The following FLT1 variants were observed in gnomAD, a reference collection of about 807,000 sequenced individuals.
FLT1 encodes fms related receptor tyrosine kinase 1.
In FLT1, 49 loss-of-function variants were observed where a neutral mutation model predicts 156.3. The observed-to-expected ratio is 0.31, with a 90% CI of 0.25 to 0.40. The LOEUF is 0.40. Among genes scored for constraint, FLT1 ranks in the 10% least tolerant of loss-of-function variants. FLT1 has a pLI of 1.00. For synonymous variants in FLT1, 594 were observed against 583.8 expected, an observed-to-expected ratio of 1.02 and a Z score of -0.25; for missense variants, 1,322 against 1,637.2, an observed-to-expected ratio of 0.81 and a Z score of 3.32.
intron 23 of FLT1, among the ~76,000 whole-genome samples, chr13:28,320,875 A>C (rs779080144): frequency 2.0e-5 from 3 of 152,130 alleles, no homozygotes; most frequent in Non-Finnish European, 4.4e-5. Context: ...GCTGAGGGTT[A>C]AGGAGAAGGG....
In FLT1 at chr13:28,382,171, C is replaced by T. The variant is rs61629817; in HGVS notation, c.2116+2714G>A. Among the ~76,000 whole-genome samples, 19 of 152,272 alleles carry T rather than the reference C, an allele frequency of 1.2e-4. No individual in the cohort carries two copies. The East Asian group carries it at 3.7e-3, about 29-fold the overall frequency. On this transcript the variant is annotated intron_variant, in intron 14 of 29. Transcript: ENST00000282397. ...GAAACAGTTATAAGTAATAAAGACT[C>T]ACGGAGGATCTGCCTCCTATTTGTG... is the stretch of plus-strand genomic sequence containing the variant.
intron 20 of FLT1, 100 bp from the exon 21 acceptor site, chr13:28,323,046 G>A (rs757830708): frequency 5.8e-5 from 74 of 1,266,100 alleles, no homozygotes; most frequent in Non-Finnish European, 7.6e-5. Flanking sequence ...AAATGAGAGC[G>A]TTTCACTTCT....
intron 10 of FLT1, among the ~76,000 whole-genome samples, chr13:28,411,873 T>C (rs1421172973): frequency 6.6e-6 from 1 of 152,218 alleles, no homozygotes; most frequent in Non-Finnish European, 1.5e-5. Flanking sequence ...CTACAAAGTC[T>C]CAAGACAGAT....
In FLT1 at chr13:28,329,731, G is replaced by A. The variant is rs776393615; in HGVS notation, c.2594-3C>T. 6.2e-7 allele frequency: 1 copy of A among 1,612,140 alleles called. No homozygotes were observed. Among genetic ancestry groups the A allele is most frequent in the Admixed American group, 1.7e-5 (1 of 59,996 alleles). On this transcript the variant is annotated splice_region_variant and splice_polypyrimidine_tract_variant and intron_variant, in intron 18 of 29. Transcript: ENST00000282397. ...GTACTCGCTGGCCGTGGCCCCCTCT[G>A]TGTGAGAAGCAAGGAAGAGTCAGGG...
intron 1 of FLT1, among the ~76,000 whole-genome samples, chr13:28,485,028 G>A (rs1053538938): frequency 4.6e-5 from 7 of 151,720 alleles, no homozygotes; most frequent in African/African-American, 7.3e-5. Flanking sequence ...ACATGTATAC[G>A]TATGTAACTA....
rs542282780 is a variant in FLT1 at position 28,311,524 on chromosome 13, G to A, written c.3635+66C>T. ...TCTCTTTCGTCTTTCTTTCTCTTTCGTCTTTCTTTCCTTCTTTTTTTTGTT... is the reference window on the plus strand; with the variant it reads ...TCTCTTTCGTCTTTCTTTCTCTTTCATCTTTCTTTCCTTCTTTTTTTTGTT... On this transcript the variant is annotated intron_variant, in intron 27 of 29. Coordinates refer to ENST00000282397, the MANE Select transcript of FLT1 (RefSeq NM_002019.4). 1.6e-4 allele frequency: 201 copies of A among 1,235,492 alleles called. 5 individuals are homozygous for A. The highest frequency in any genetic ancestry group is 1.4e-3 in the South Asian group (97 of 67,500). The allele number at this position is 1,235,492 out of a possible 1,614,324, so 76.5% of individuals were successfully genotyped here.
chr13:28,451,284 G>A (rs1878919680), intron 3 of FLT1, among the ~76,000 whole-genome samples: 1 of 152,202 alleles, frequency 6.6e-6, no homozygotes, highest in South Asian at 2.1e-4. Context: ...TTAGCTAGAC[G>A]TGGCGGCAGG....
At chr13:28,399,016 T>G (rs1276103829) in intron 11 of FLT1, 1 of 1,483,776 alleles carries the variant, frequency 6.7e-7, no homozygotes, top group Non-Finnish European at 9.2e-7. Flanking sequence ...GCCATTTCCT[T>G]GTAATTGTTG....
chr13:28,352,087 C>G (rs1476146693), intron 15 of FLT1, among the ~76,000 whole-genome samples: 1 of 152,156 alleles, frequency 6.6e-6, no homozygotes, highest in African/African-American at 2.4e-5. Context: ...CAGAATGGGT[C>G]TTTTTAACCA....
At chr13:28,316,367 G>A (rs1396565126) in intron 25 of FLT1, among the ~76,000 whole-genome samples, 2 of 152,248 alleles carry the variant, frequency 1.3e-5, no homozygotes, top group African/African-American at 4.8e-5. Flanking sequence ...CCATTGTGTG[G>A]GTGGAATGGG....
chr13:28,385,758 T>C, intron 13 of FLT1: 4 of 996,768 alleles, frequency 4.0e-6, no homozygotes, highest in Non-Finnish European at 4.8e-6. Flanking sequence ...CCAACCAATA[T>C]AGTACAACAA....
At chr13:28,412,706 G>A (rs928560461) in intron 10 of FLT1, among the ~76,000 whole-genome samples, 2 of 147,528 alleles carry the variant, frequency 1.4e-5, no homozygotes, top group Admixed American at 6.8e-5. Flanking sequence ...CAGGAGTGAG[G>A]CAACATCCCA....
intron 4 of FLT1, among the ~76,000 whole-genome samples, chr13:28,436,824 C>A (rs545544793): frequency 3.9e-5 from 6 of 152,310 alleles, no homozygotes; most frequent in South Asian, 4.1e-4. Context: ...TATCACCTGA[C>A]TTAAGTTTTC....
chr13:28,478,423 A>G (rs1413300827), intron 1 of FLT1, among the ~76,000 whole-genome samples: 1 of 152,220 alleles, frequency 6.6e-6, no homozygotes, highest in Non-Finnish European at 1.5e-5. Flanking sequence ...GCATGTTTCA[A>G]TGTTATGGAT....
intron 17 of FLT1, among the ~76,000 whole-genome samples, chr13:28,334,482 T>C (rs188667269): frequency 6.6e-6 from 1 of 152,244 alleles, no homozygotes; most frequent in Non-Finnish European, 1.5e-5. Flanking sequence ...AAGACTTCCC[T>C]GTGTGGAACC....
Position 28,405,974 on chromosome 13 carries a change from G to T in FLT1, c.1437-80C>A, listed in dbSNP as rs977016966. ...GGGACAGGTGAAATGAAAACTTGGT[G>T]TAAGTCCTCAGATAACAAAGTCACA... On this transcript the variant is annotated intron_variant, in intron 10 of 29. Transcript: ENST00000282397. The T allele has an allele frequency of 1.4e-5, 11 of 786,928 alleles. No individual in the cohort carries two copies. In the African/African-American group the frequency reaches 1.9e-4, roughly 13 times the overall value. The allele number at this position is 786,928 out of a possible 1,614,324, so 48.7% of individuals were successfully genotyped here.
At chr13:28,318,598 A>G (rs1032582347) in intron 24 of FLT1, among the ~76,000 whole-genome samples, 2 of 152,228 alleles carry the variant, frequency 1.3e-5, no homozygotes, top group Admixed American at 6.5e-5. Context: ...GGACCACTGC[A>G]GCCGCCAAGC....
intron 4 of FLT1, 72 bp from the exon 5 acceptor site, chr13:28,434,292 T>TTA: frequency 7.3e-7 from 1 of 1,366,924 alleles, no homozygotes; most frequent in East Asian, 2.3e-5. Flanking sequence ...ACCAGCAGTT[T>TTA]GTGAAAACAT....
chr13:28,473,771 AAG>A, intron 1 of FLT1, among the ~76,000 whole-genome samples: 14 of 105,798 alleles, frequency 1.3e-4, no homozygotes, highest in African/African-American at 2.7e-4. Flanking sequence ...GGAAGGAAGG[AAG>A]GAAGGAAAGA....
Sources: gnomAD v4.1 joint callset for allele counts (sites outside exome capture counted in the v4.1 genomes callset) on GRCh38, gnomAD v4.1.1 for gene constraint, MANE v1.5 for transcripts, NCBI Gene and HGNC (gene_info 2026-07-23, HGNC 2026-07-21) for gene names.